The following SATB2 variants were observed in gnomAD, a reference collection of about 807,000 sequenced individuals.
SATB2 encodes SATB homeobox 2.
SATB2 carries 1 observed loss-of-function variant against 73.4 expected under a neutral mutation model. That is an observed-to-expected ratio of 0.01 (90% CI 0.00 to 0.06). The LOEUF is 0.06. SATB2 is among the 10% of genes least tolerant of loss of function. The pLI, the probability that SATB2 is intolerant of heterozygous loss-of-function variation, is 1.00. For synonymous variants in SATB2, 397 were observed against 367.0 expected (o/e 1.08, Z -0.93); for missense variants, 459 against 945.8 (o/e 0.49, Z 6.75).
chr2:199,384,093 A>T (rs1689859167), intron 3 of SATB2, among the ~76,000 whole-genome samples: 1 of 152,180 alleles, frequency 6.6e-6, no homozygotes. Flanking sequence ...AATAATAGAC[A>T]ACTCATTCTA....
chr2:199,337,010 G>A (rs535331233), intron 7 of SATB2, among the ~76,000 whole-genome samples: 1 of 152,242 alleles, frequency 6.6e-6, no homozygotes, highest in Non-Finnish European at 1.5e-5. Flanking sequence ...GCCATTGTTA[G>A]GATGCCTAGT....
In SATB2 at chr2:199,429,835, G is replaced by A. The variant is rs890793685; in HGVS notation, c.346+3503C>T. Among the ~76,000 whole-genome samples the A allele has an allele frequency of 5.3e-5, 8 of 152,302 alleles. No individual in the cohort carries two copies. The South Asian group carries it at 1.2e-3, about 24-fold the overall frequency. ...TAAGGCAGGAGAATCGCCTGAAACC[G>A]GCAGGCAGAGGTTGCAGTGAGCCAA... On this transcript the variant is annotated intron_variant, in intron 3 of 10. Transcript: ENST00000417098.
intron 3 of SATB2, among the ~76,000 whole-genome samples, chr2:199,392,421 AAAAAAATAGT>A (rs1690173782): frequency 6.6e-6 from 1 of 152,068 alleles, no homozygotes; most frequent in Non-Finnish European, 1.5e-5. Flanking sequence ...CCCAGGAAAA[AAAAAAATAGT>A]TTCTTGTGTA....
chr2:199,374,777 AAC>A (rs779284057), intron 5 of SATB2, among the ~76,000 whole-genome samples: 29 of 152,220 alleles, frequency 1.9e-4, no homozygotes, highest in Admixed American at 2.6e-4. Flanking sequence ...TAGTCTGGCT[AAC>A]ATGGTGAAAC....
chr2:199,364,798 A>C (rs181490505), intron 6 of SATB2, among the ~76,000 whole-genome samples: 175 of 152,236 alleles, frequency 1.1e-3, no homozygotes, highest in African/African-American at 3.8e-3. Context: ...TTTAGATATA[A>C]AATTATTTTC....
rs759458466 is a variant in SATB2, at chr2:199,323,919, C to A, written c.1426G>T (p.Val476Leu). ...STPTTDLPIK[V>L]DGANINITAA... ...GTGATGTTGATGTTGGCGCCGTCCA[C>A]CTTAATAGGGAGGTCTGTTGTCGGT... The change falls in exon 9 of 11, where the codon GTG (valine) becomes TTG (leucine). Residue 476 changes from valine to leucine, a missense_variant. By Grantham distance (32) the Val-to-Leu change is conservative. Around this residue, in one of 13 missense-constraint regions of SATB2, gnomAD observed 53 missense variants for 70.5 expected, o/e 0.75. Coordinates refer to ENST00000417098, the MANE Select transcript of SATB2 (RefSeq NM_001172509.2). 2.5e-6 allele frequency: 4 copies of A among 1,613,414 alleles called. No homozygotes were observed. Among genetic ancestry groups the A allele is most frequent in the Non-Finnish European group, 3.4e-6 (4 of 1,179,558 alleles).
chr2:199,333,459 C>G (rs1365741000), intron 7 of SATB2, among the ~76,000 whole-genome samples: 1 of 152,032 alleles, frequency 6.6e-6, no homozygotes, highest in Non-Finnish European at 1.5e-5. Context: ...ATAGATAGTA[C>G]ATGGATATAA....
At chr2:199,343,099 A>G (rs1348608036) in intron 7 of SATB2, among the ~76,000 whole-genome samples, 1 of 120,386 alleles carries the variant, frequency 8.3e-6, no homozygotes, top group East Asian at 2.5e-4. Context: ...ATGTTTACAT[A>G]TTATTTTATT....
intron 10 of SATB2, among the ~76,000 whole-genome samples, chr2:199,300,708 G>A (rs1401791441): frequency 6.6e-6 from 1 of 152,056 alleles, no homozygotes; most frequent in Non-Finnish European, 1.5e-5. Context: ...AGAGAGTAAG[G>A]TGCAGGAATT....
chr2:199,349,685 AT>A (rs1236655927), intron 6 of SATB2, among the ~76,000 whole-genome samples: 1 of 152,216 alleles, frequency 6.6e-6, no homozygotes, highest in Non-Finnish European at 1.5e-5. Context: ...GCCACATAGT[AT>A]ATCCATTTAT....
intron 3 of SATB2, among the ~76,000 whole-genome samples, chr2:199,388,947 T>C (rs1690038850): frequency 6.6e-6 from 1 of 152,202 alleles, no homozygotes; most frequent in Non-Finnish European, 1.5e-5. Flanking sequence ...TTTTCTGTTG[T>C]TCAGCTATGC....
At chr2:199,299,274 C>G (rs551046977) in intron 10 of SATB2, among the ~76,000 whole-genome samples, 1 of 152,304 alleles carries the variant, frequency 6.6e-6, no homozygotes, top group South Asian at 2.1e-4. Context: ...CATTAATCAA[C>G]AGATGCCATT....
At chr2:199,326,051 C>T (rs1408909679) in intron 8 of SATB2, 1 of 152,110 alleles carries the variant, frequency 6.6e-6, no homozygotes, top group Non-Finnish European at 1.5e-5. Flanking sequence ...CAATGTCAAG[C>T]TGCTTGTGTG....
intron 7 of SATB2, among the ~76,000 whole-genome samples, chr2:199,342,888 A>G (rs1236356466): frequency 6.6e-6 from 1 of 152,162 alleles, no homozygotes; most frequent in African/African-American, 2.4e-5. Flanking sequence ...ATATGGCTCT[A>G]TTCTCTTAAC....
chr2:199,329,343 A>G (rs1688121543), intron 7 of SATB2: 1 of 169,550 alleles, frequency 5.9e-6, no homozygotes, highest in African/African-American at 2.4e-5. Flanking sequence ...TTTAAACAGC[A>G]TGGTAGATTT....
At chr2:199,465,374 T>G (rs1434408302), upstream of SATB2, among the ~76,000 whole-genome samples, 1 of 152,252 alleles carries the variant, frequency 6.6e-6, no homozygotes, top group East Asian at 1.9e-4. Context: ...CCGTTGGATA[T>G]GACAGAAAGA....
chr2:199,434,655 G>A (rs961076846), intron 2 of SATB2, among the ~76,000 whole-genome samples: 1 of 152,154 alleles, frequency 6.6e-6, no homozygotes, highest in Non-Finnish European at 1.5e-5. Context: ...GAGGTAGAAA[G>A]TCACATGGTC....
rs115164329 is a variant in SATB2 at position 199,431,515 on chromosome 2, T to C, written c.346+1823A>G. Among the ~76,000 whole-genome samples, 709 of 152,336 alleles carry C rather than the reference T, an allele frequency of 4.7e-3. 1 individual carries two copies. The highest frequency in any genetic ancestry group is 8.0e-3 in the Non-Finnish European group (546 of 68,028). Reference sequence around the variant, plus strand: ...GAATATTGATTCAACTTATAAATAGTAGAATATTTAGCATTTTAGCCTTAA... The same window carrying C: ...GAATATTGATTCAACTTATAAATAGCAGAATATTTAGCATTTTAGCCTTAA... On this transcript the variant is annotated intron_variant, in intron 3 of 10. Coordinates refer to ENST00000417098, the MANE Select transcript of SATB2 (RefSeq NM_001172509.2).
chr2:199,469,307 C>T (rs934703460), upstream of SATB2, among the ~76,000 whole-genome samples: 2 of 152,180 alleles, frequency 1.3e-5, no homozygotes, highest in East Asian at 1.9e-4. Flanking sequence ...AGAGCCACCC[C>T]AAGAAGCCCT....
Sources: allele counts gnomAD v4.1 joint callset (sites outside exome capture counted in the v4.1 genomes callset), GRCh38; gene constraint gnomAD v4.1.1; regional missense constraint gnomAD v4.1.1; transcripts MANE v1.5; gene names NCBI Gene and HGNC (gene_info 2026-07-23, HGNC 2026-07-21).